The following EPM2A variants were observed in gnomAD, a reference collection of about 807,000 sequenced individuals.
The protein encoded by EPM2A is EPM2A glucan phosphatase, laforin, also known as laforin.
In EPM2A, 21 loss-of-function variants were observed where a neutral mutation model predicts 26.5. That is an observed-to-expected ratio of 0.79 (90% CI 0.56 to 1.14). The LOEUF (loss-of-function observed/expected upper bound fraction) is 1.14, where lower values mean the gene tolerates loss of function less well. Among genes scored for constraint, EPM2A ranks in the 50% most tolerant of loss-of-function variants. EPM2A has a pLI of 0.00. For missense variants in EPM2A, 458 were observed against 440.8 expected (o/e 1.04, Z -0.35); for synonymous variants, 217 against 177.6 (o/e 1.22, Z -1.76).
At chr6:145,552,584 T>G (rs1402460009) in intron 2 of EPM2A, among the ~76,000 whole-genome samples, 1 of 152,120 alleles carries the variant, frequency 6.6e-6, no homozygotes, top group Non-Finnish European at 1.5e-5. Flanking sequence ...AATATATGTA[T>G]TTTGAGCAGA....
At chr6:145,479,953 C>G (rs1779593280) in intron 4 of EPM2A, among the ~76,000 whole-genome samples, 1 of 151,964 alleles carries the variant, frequency 6.6e-6, no homozygotes, top group Admixed American at 6.6e-5. Context: ...ATAGCCATGC[C>G]AGTAGTTGCA....
At chr6:145,602,043 G>A (rs1045844956) in intron 2 of EPM2A, among the ~76,000 whole-genome samples, 4 of 152,038 alleles carry the variant, frequency 2.6e-5, no homozygotes, top group East Asian at 1.9e-4. Context: ...TCTCTTTCCC[G>A]TGTTACATGA....
At chr6:145,522,554 TA>T (rs1238713205) in intron 2 of EPM2A, among the ~76,000 whole-genome samples, 9 of 152,116 alleles carry the variant, frequency 5.9e-5, no homozygotes, top group African/African-American at 1.9e-4. Flanking sequence ...TTTTAAACAG[TA>T]CTCTTTCTCC....
At chr6:145,461,243 G>C (rs1032153687) in intron 4 of EPM2A, among the ~76,000 whole-genome samples, 4 of 152,210 alleles carry the variant, frequency 2.6e-5, no homozygotes, top group Non-Finnish European at 5.9e-5. Context: ...CAGTTCTTGT[G>C]TAGAAGCCTT....
intron 3 of EPM2A, chr6:145,633,796 C>G (rs1012703207): frequency 6.6e-6 from 1 of 152,186 alleles, no homozygotes; most frequent in African/African-American, 2.4e-5. Context: ...GTCTGAAGAA[C>G]CTGCCTGAAG....
intron 4 of EPM2A, among the ~76,000 whole-genome samples, chr6:145,432,499 T>A (rs912392154): frequency 1.2e-5 from 1 of 83,536 alleles, no homozygotes; most frequent in Non-Finnish European, 3.2e-5. Flanking sequence ...GTTTTTTGAG[T>A]CTTTTTTTTT....
intron 2 of EPM2A, among the ~76,000 whole-genome samples, chr6:145,511,053 A>C (rs560568385): frequency 6.6e-6 from 1 of 152,312 alleles, no homozygotes; most frequent in South Asian, 2.1e-4. Context: ...GAAGAAATAG[A>C]AATCCAGAAC....
At chr6:145,540,764 C>T (rs994986714) in intron 2 of EPM2A, among the ~76,000 whole-genome samples, 21 of 152,024 alleles carry the variant, frequency 1.4e-4, no homozygotes, top group African/African-American at 3.9e-4. Context: ...AAACTAGGGG[C>T]GTGGTAAATT....
chr6:145,573,733 G>A (rs1019313415), intron 2 of EPM2A, among the ~76,000 whole-genome samples: 1 of 152,178 alleles, frequency 6.6e-6, no homozygotes, highest in Non-Finnish European at 1.5e-5. Flanking sequence ...TGGGGGTTCT[G>A]CCAGCTGCTA....
intron 2 of EPM2A, among the ~76,000 whole-genome samples, chr6:145,670,189 C>G (rs1489005188): frequency 6.6e-6 from 1 of 152,104 alleles, no homozygotes; most frequent in Admixed American, 6.6e-5. Context: ...TGGCTCCCAC[C>G]TTATAAATTT....
At chr6:145,658,401 T>C (rs1778448495) in intron 2 of EPM2A, among the ~76,000 whole-genome samples, 1 of 152,222 alleles carries the variant, frequency 6.6e-6, no homozygotes, top group Non-Finnish European at 1.5e-5. Flanking sequence ...AAACTCATTA[T>C]TTCTGTCTCT....
intron 4 of EPM2A, among the ~76,000 whole-genome samples, chr6:145,489,453 C>T (rs1310696171): frequency 6.6e-6 from 1 of 152,068 alleles, no homozygotes; most frequent in African/African-American, 2.4e-5. Flanking sequence ...GGAACAGATC[C>T]CTCCTCTGGC....
intron 2 of EPM2A, among the ~76,000 whole-genome samples, chr6:145,589,507 C>A (rs1367755013): frequency 6.6e-6 from 1 of 152,058 alleles, no homozygotes; most frequent in Non-Finnish European, 1.5e-5. Context: ...TCACTGTCAT[C>A]TTTCCAATGC....
chr6:145,684,185 T>C (rs1780752261), intron 2 of EPM2A, among the ~76,000 whole-genome samples: 2 of 151,894 alleles, frequency 1.3e-5, no homozygotes, highest in African/African-American at 4.8e-5. Context: ...ATAGTTGAAT[T>C]GGAAAAAAAG....
At chr6:145,433,686 T>C (rs1052515326) in intron 4 of EPM2A, among the ~76,000 whole-genome samples, 3 of 152,194 alleles carry the variant, frequency 2.0e-5, no homozygotes, top group Admixed American at 6.5e-5. Context: ...AAACATTGTA[T>C]AACAGATCCA....
rs773728573 is a variant in EPM2A at position 145,686,201 on chromosome 6, T to C, written c.397A>G (p.Thr133Ala). The C allele has an allele frequency of 6.8e-6, 11 of 1,613,868 alleles. No individual in the cohort carries two copies. The Middle Eastern group carries it at 5.0e-4, about 73-fold the overall frequency. ...TGCTTCATTTCATTGGTGTGCCCAG[T>C]GGCCTCAATCCAGTGTCCTATTGGG... Reference protein sequence around the residue: ...CLPIGHWIEATGHTNEMKHTT... With the variant: ...CLPIGHWIEAAGHTNEMKHTT... The change falls in exon 2 of 4, where the codon ACT becomes GCT. Residue 133 changes from threonine (T) to alanine (A), a missense_variant. Coordinates refer to ENST00000367519, the MANE Select transcript of EPM2A (RefSeq NM_005670.4).
At chr6:145,582,559 C>T (rs917767995) in intron 2 of EPM2A, among the ~76,000 whole-genome samples, 1 of 152,168 alleles carries the variant, frequency 6.6e-6, no homozygotes, top group African/African-American at 2.4e-5. Context: ...AAGTCACCTG[C>T]CCCTTCTCTC....
intron 4 of EPM2A, among the ~76,000 whole-genome samples, chr6:145,446,957 G>T (rs748005466): frequency 1.4e-4 from 22 of 151,974 alleles, no homozygotes; most frequent in Non-Finnish European, 2.8e-4. Context: ...AGGTGTTGTT[G>T]GTAGGAGAAT....
intron 2 of EPM2A, among the ~76,000 whole-genome samples, chr6:145,548,011 C>T (rs1026429595): frequency 6.6e-6 from 1 of 151,980 alleles, no homozygotes; most frequent in South Asian, 2.1e-4. Flanking sequence ...AAATGAGACC[C>T]AAATACTCAA....
Sources: allele counts gnomAD v4.1 joint callset (sites outside exome capture counted in the v4.1 genomes callset), GRCh38; gene constraint gnomAD v4.1.1; transcripts MANE v1.5; gene names NCBI Gene and HGNC (gene_info 2026-07-23, HGNC 2026-07-21).